The following MAN1C1 variants were observed in gnomAD, a reference collection of about 807,000 sequenced individuals.
MAN1C1 encodes mannosyl-oligosaccharide 1,2-alpha-mannosidase IC.
Under a neutral mutation model 71.5 loss-of-function variants are expected in MAN1C1, and 49 were observed. The observed-to-expected ratio is 0.69, with a 90% CI of 0.54 to 0.87. The LOEUF (loss-of-function observed/expected upper bound fraction) is 0.87. Ranked by LOEUF, MAN1C1 falls within the 40% of genes least tolerant of loss-of-function variation. MAN1C1 has a pLI of 0.00. For synonymous variants in MAN1C1, 352 were observed against 343.7 expected, an observed-to-expected ratio of 1.02 and a Z score of -0.27; for missense variants, 743 against 835.0, an observed-to-expected ratio of 0.89 and a Z score of 1.36.
At chr1:25,665,257 A>T (rs1428301226) in intron 1 of MAN1C1, among the ~76,000 whole-genome samples, 1 of 152,152 alleles carries the variant, frequency 6.6e-6, no homozygotes, top group Non-Finnish European at 1.5e-5. Context: ...TGTGCCTGAG[A>T]CACACGTACA....
At position 25,746,583 on chromosome 1, in the gene MAN1C1, A is replaced by C; in HGVS notation, c.638-85A>C. 1.9e-6 allele frequency: 2 copies of C among 1,049,666 alleles called. No homozygotes were observed. The highest frequency in any genetic ancestry group is 2.9e-6 in the Non-Finnish European group (2 of 687,034). The allele number at this position is 1,049,666 out of a possible 1,614,324, so 65.0% of individuals were successfully genotyped here. On this transcript the variant is annotated intron_variant, in intron 2 of 11. Coordinates refer to ENST00000374332, the MANE Select transcript of MAN1C1 (RefSeq NM_020379.4). This position sits in a 1 kb window ranked among gnomAD's most constrained non-coding sequence, Gnocchi z 4.0. ...GCCACCAAGCCTGCGCTGGCATTGG[A>C]GGGGCCCTGAGAACGGTGGCTTGTC...
chr1:25,643,421 A>ATTT (rs11326338), intron 1 of MAN1C1, among the ~76,000 whole-genome samples: 4 of 115,454 alleles, frequency 3.5e-5, no homozygotes, highest in Non-Finnish European at 5.2e-5. Context: ...CGCCTGGCTA[A>ATTT]TTTTTTTTTT....
chr1:25,738,904 G>A (rs533993282), intron 2 of MAN1C1, among the ~76,000 whole-genome samples: 1 of 152,290 alleles, frequency 6.6e-6, no homozygotes, highest in East Asian at 1.9e-4. Context: ...GCTCACACCT[G>A]TAATCCCAGT....
At chr1:25,758,223 A>G (rs1490925529) in intron 5 of MAN1C1, among the ~76,000 whole-genome samples, 2 of 152,228 alleles carry the variant, frequency 1.3e-5, no homozygotes, top group Admixed American at 1.3e-4. Context: ...CAGCCAGAGG[A>G]CAGCAACCGG....
chr1:25,696,885 G>A (rs1231600813), intron 2 of MAN1C1, among the ~76,000 whole-genome samples: 1 of 152,104 alleles, frequency 6.6e-6, no homozygotes, highest in African/African-American at 2.4e-5. Flanking sequence ...GGCCTCAAGG[G>A]GTCCTCCTGC....
rs1038667264 is a variant in MAN1C1, at chr1:25,626,727, A to G, written c.540+8390A>G. Among the ~76,000 whole-genome samples the G allele has an allele frequency of 3.3e-5, 5 of 152,160 alleles. No homozygotes were observed. The East Asian group carries it at 9.6e-4, about 29-fold the overall frequency. On this transcript the variant is annotated intron_variant, in intron 1 of 11. Coordinates refer to ENST00000374332, the MANE Select transcript of MAN1C1 (RefSeq NM_020379.4). Reference sequence around the variant, plus strand: ...AACTTTTGTTCTTTTTTAATGTCAAAAACTGGTCTATTTACTGTCTTATTG... The same window carrying G: ...AACTTTTGTTCTTTTTTAATGTCAAGAACTGGTCTATTTACTGTCTTATTG...
intron 1 of MAN1C1, among the ~76,000 whole-genome samples, chr1:25,626,754 AT>A (rs1406541944): frequency 1.3e-5 from 2 of 152,154 alleles, no homozygotes; most frequent in Non-Finnish European, 2.9e-5. Flanking sequence ...GTCTTATTGA[AT>A]TGCAAGAATG....
intron 2 of MAN1C1, among the ~76,000 whole-genome samples, chr1:25,688,808 C>T (rs147802606): frequency 6.1e-4 from 93 of 152,306 alleles, no homozygotes; most frequent in African/African-American, 2.2e-3. Context: ...AAGCAAAGGG[C>T]CATGTCTACA....
In MAN1C1 at chr1:25,778,026, T is replaced by G; in HGVS notation, c.1258-79T>G. The G allele has an allele frequency of 7.0e-6, 8 of 1,138,570 alleles. No homozygotes were observed. The South Asian group carries it at 9.6e-5, about 14-fold the overall frequency. 70.5% of individuals were successfully genotyped at this position (1,138,570 alleles called of 1,614,324 possible). Reference sequence around the variant, plus strand: ...TGCCCTTGCTACTGTCTCCAAAATGTTCATTTTCCATCCTTTCCCCCCCTT... The same window carrying G: ...TGCCCTTGCTACTGTCTCCAAAATGGTCATTTTCCATCCTTTCCCCCCCTT... On this transcript the variant is annotated intron_variant, in intron 8 of 11. Transcript: ENST00000374332. The surrounding 1 kb of genome is among the most constrained non-coding windows in gnomAD (Gnocchi z 5.5).
chr1:25,653,557 C>T (rs2045722177), intron 1 of MAN1C1, among the ~76,000 whole-genome samples: 1 of 152,234 alleles, frequency 6.6e-6, no homozygotes, highest in Admixed American at 6.5e-5. Flanking sequence ...GTGGGGTGCT[C>T]CACGGATTCC....
At position 25,730,745 on chromosome 1, in the gene MAN1C1, C is replaced by G. The variant is rs1186671956; in HGVS notation, c.638-15923C>G. On this transcript the variant is annotated intron_variant, in intron 2 of 11. Coordinates refer to ENST00000374332, the MANE Select transcript of MAN1C1 (RefSeq NM_020379.4). The surrounding 1 kb of genome is among the most constrained non-coding windows in gnomAD (Gnocchi z 4.3). The stretch of plus-strand genomic sequence containing the variant: ...CCTGGCTTGGCTGTGGGTGGGTGGA[C>G]AGGGCAAGCGGGGAGGGGGTTCTCC... 6.6e-6 allele frequency among the ~76,000 whole-genome samples: 1 copy of G among 152,172 alleles called. No individual in the cohort carries two copies. Among genetic ancestry groups the G allele is most frequent in the Non-Finnish European group, 1.5e-5 (1 of 68,030 alleles).
intron 2 of MAN1C1, among the ~76,000 whole-genome samples, chr1:25,705,714 G>A (rs1052550589): frequency 2.0e-5 from 3 of 152,230 alleles, no homozygotes; most frequent in African/African-American, 7.2e-5. Context: ...AGGAGGCCAA[G>A]GCAGGAGGAT....
chr1:25,727,510 C>T (rs1205860971), intron 2 of MAN1C1, among the ~76,000 whole-genome samples: 6 of 152,206 alleles, frequency 3.9e-5, no homozygotes, highest in Admixed American at 6.5e-5. Flanking sequence ...GCCTTGCCCC[C>T]GACTCCAGGC....
intron 1 of MAN1C1, among the ~76,000 whole-genome samples, chr1:25,626,370 T>C (rs1448980916): frequency 1.3e-5 from 2 of 152,242 alleles, no homozygotes; most frequent in East Asian, 1.9e-4. Context: ...CTTTCTTTTT[T>C]TTTTTTGAGA....
chr1:25,638,172 C>T (rs1011701058), intron 1 of MAN1C1, among the ~76,000 whole-genome samples: 4 of 151,818 alleles, frequency 2.6e-5, no homozygotes, highest in South Asian at 2.1e-4. Context: ...TTATGTCATC[C>T]GTTATACGCA....
chr1:25,739,033 T>G (rs2047021251), intron 2 of MAN1C1, among the ~76,000 whole-genome samples: 1 of 151,998 alleles, frequency 6.6e-6, no homozygotes, highest in South Asian at 2.1e-4. Context: ...GGCATGGTGG[T>G]GCACTCCTGT....
At chr1:25,741,630 G>C (rs764462981) in intron 2 of MAN1C1, among the ~76,000 whole-genome samples, 29 of 152,158 alleles carry the variant, frequency 1.9e-4, no homozygotes, top group Non-Finnish European at 3.5e-4. Flanking sequence ...AGATGAGAAT[G>C]GGGGGAGGTG....
chr1:25,649,838 A>C (rs914493411), intron 1 of MAN1C1, among the ~76,000 whole-genome samples: 2 of 152,110 alleles, frequency 1.3e-5, no homozygotes, highest in Non-Finnish European at 1.5e-5. Context: ...GGGTTTCACC[A>C]TGTTGGCTAG....
chr1:25,735,943 A>C lies in MAN1C1; in HGVS notation c.638-10725A>C, dbSNP rs1388647051. ...AAAGCAAGTTACATGGAAAAGCACA[A>C]GGTTAATGGGATAGGGATATTTACT... On this transcript the variant is annotated intron_variant, in intron 2 of 11. Coordinates refer to ENST00000374332, the MANE Select transcript of MAN1C1 (RefSeq NM_020379.4). This position sits in a 1 kb window ranked among gnomAD's most constrained non-coding sequence, Gnocchi z 4.6. Among the ~76,000 whole-genome samples, 1 of 152,238 alleles carries C rather than the reference A, an allele frequency of 6.6e-6. No individual in the cohort carries two copies. The highest frequency in any genetic ancestry group is 1.5e-5 in the Non-Finnish European group (1 of 68,040).
Sources: allele counts gnomAD v4.1 joint callset (sites outside exome capture counted in the v4.1 genomes callset), GRCh38; gene constraint gnomAD v4.1.1; non-coding constraint Gnocchi (gnomAD v3.1); transcripts MANE v1.5; gene names NCBI Gene and HGNC (gene_info 2026-07-23, HGNC 2026-07-21).